Variants in SLC28A3 observed in about 807,000 individuals in gnomAD.
The protein encoded by SLC28A3 is concentrative Na(+)-nucleoside cotransporter 3.
A neutral mutation model predicts 84.2 loss-of-function variants in SLC28A3; 68 were observed. The observed-to-expected ratio is 0.81, with a 90% CI of 0.66 to 0.99. SLC28A3 has a LOEUF of 0.99. SLC28A3 is among the 50% of genes least tolerant of loss of function. SLC28A3 has a pLI of 0.00. For synonymous variants in SLC28A3, 267 were observed against 303.6 expected (o/e 0.88, Z 1.25); for missense variants, 712 against 841.5 (o/e 0.85, Z 1.90).
At chr9:84,351,348 C>T in the SLC28A3 span, among the ~76,000 whole-genome samples, 6 of 152,102 alleles carry the variant, frequency 3.9e-5, no homozygotes, top group African/African-American at 1.4e-4. Flanking sequence ...TTATTAGTAT[C>T]TGCCTGCAAT....
At chr9:84,279,211 GA>G in intron 17 of SLC28A3, 53 bp downstream of exon 17, 1 of 1,379,756 alleles carries the variant, frequency 7.2e-7, no homozygotes, top group Non-Finnish European at 9.7e-7. Flanking sequence ...ATTTAGGTGT[GA>G]TTTGATTGAT....
chr9:84,340,933 T>C (rs1827142802), upstream of SLC28A3, among the ~76,000 whole-genome samples: 1 of 152,054 alleles, frequency 6.6e-6, no homozygotes, highest in South Asian at 2.1e-4. Context: ...GAGAAAACTC[T>C]TGTGGTGCAC....
chr9:84,305,774 C>T (rs1438920884), intron 3 of SLC28A3, among the ~76,000 whole-genome samples: 2 of 152,128 alleles, frequency 1.3e-5, no homozygotes, highest in Non-Finnish European at 2.9e-5. Context: ...CTTGGTTTGG[C>T]AAAGTTTGAG....
chr9:84,367,595 C>T, the SLC28A3 span, among the ~76,000 whole-genome samples: 9 of 152,136 alleles, frequency 5.9e-5, no homozygotes, highest in East Asian at 1.9e-4. Context: ...CCTGCACCGG[C>T]GCTGGTCTCT....
chr9:84,357,285 G>A, the SLC28A3 span, among the ~76,000 whole-genome samples: 17 of 152,166 alleles, frequency 1.1e-4, no homozygotes, highest in Non-Finnish European at 2.4e-4. Flanking sequence ...AAAAATATGG[G>A]GTTTAGGTGC....
chr9:84,309,853 A>G (rs1258748920), intron 2 of SLC28A3, 139 bp from the exon 3 acceptor site: 1 of 668,038 alleles, frequency 1.5e-6, no homozygotes, highest in Non-Finnish European at 2.6e-6. Context: ...GGCTCCTATT[A>G]TCTACTGCAC....
At chr9:84,342,731 G>A (rs1041988687), upstream of SLC28A3, among the ~76,000 whole-genome samples, 3 of 152,022 alleles carry the variant, frequency 2.0e-5, no homozygotes, top group Non-Finnish European at 4.4e-5. Flanking sequence ...GAATTTTAAA[G>A]GAAAAGAAGG....
At chr9:84,316,370 A>C (rs374908123) in intron 1 of SLC28A3, among the ~76,000 whole-genome samples, 1 of 152,350 alleles carries the variant, frequency 6.6e-6, no homozygotes, top group African/African-American at 2.4e-5. Context: ...CAACGAAATG[A>C]AAGTAGAAAG....
In SLC28A3 at chr9:84,276,293, C is replaced by T. The variant is rs1293476752; in HGVS notation, c.*1925G>A. 3 of 151,268 alleles carry T rather than the reference C, an allele frequency of 2.0e-5. No homozygotes were observed. Among genetic ancestry groups the T allele is most frequent in the African/African-American group, 7.3e-5 (3 of 40,968 alleles). The allele number at this position is 151,268 out of a possible 1,614,324, so 9.4% of individuals were successfully genotyped here. ...GAAAAATATCTTACTGAAATAATAT[C>T]TCCAATGTATTGAGTTAAATATATT... is the stretch of plus-strand genomic sequence containing the variant. On this transcript the variant is annotated 3_prime_UTR_variant, in exon 18 of 18. Transcript: ENST00000376238.
chr9:84,296,119 T>G (rs1324320961), intron 8 of SLC28A3, among the ~76,000 whole-genome samples: 1 of 152,212 alleles, frequency 6.6e-6, no homozygotes, highest in Non-Finnish European at 1.5e-5. Context: ...TTATTCCTTC[T>G]TTATGACTTT....
chr9:84,342,521 T>TCCTGTCTCAGCCTCCCGAG (rs1316333083), upstream of SLC28A3, among the ~76,000 whole-genome samples: 1 of 151,888 alleles, frequency 6.6e-6, no homozygotes, highest in Non-Finnish European at 1.5e-5. Context: ...GAAGCTATCC[T>TCCTGTCTCAGCCTCCCGAG]CCTGTCTCAG....
Position 84,286,272 on chromosome 9 carries a change from G to A in SLC28A3, c.1281-161C>T, listed in dbSNP as rs375401631. Among the ~76,000 whole-genome samples the A allele has an allele frequency of 3.2e-4, 48 of 152,182 alleles. 1 individual carries two copies. The South Asian group carries it at 9.1e-3, about 29-fold the overall frequency. ...TGAATCCCATGACATCATGAAGTGGGCATATGAGTATTTAACCATGTTTGT... is the reference window on the plus strand; with the variant it reads ...TGAATCCCATGACATCATGAAGTGGACATATGAGTATTTAACCATGTTTGT... On this transcript the variant is annotated intron_variant, in intron 12 of 17. Transcript: ENST00000376238.
At chr9:84,279,233 G>A (rs763927817) in intron 17 of SLC28A3, 32 bp downstream of exon 17, 9 of 1,560,030 alleles carry the variant, frequency 5.8e-6, no homozygotes, top group Non-Finnish European at 7.0e-6. Flanking sequence ...TATTAATGGA[G>A]TATAAAGAAA....
the SLC28A3 span, among the ~76,000 whole-genome samples, chr9:84,347,859 T>A: frequency 6.6e-6 from 1 of 152,228 alleles, no homozygotes; most frequent in Non-Finnish European, 1.5e-5. Flanking sequence ...GAATGTTCAT[T>A]GAACAAAGGT....
At chr9:84,289,361 G>A (rs1464576368) in intron 11 of SLC28A3, among the ~76,000 whole-genome samples, 1 of 152,238 alleles carries the variant, frequency 6.6e-6, no homozygotes, top group Non-Finnish European at 1.5e-5. Flanking sequence ...GTGTTACTCA[G>A]TTTCAATATT....
Position 84,302,334 on chromosome 9 carries a change from AGGAAGG to A in SLC28A3, c.384_389del (p.Pro130_Leu131del), listed in dbSNP as rs747127094. 6 of 1,614,030 alleles carry A rather than the reference AGGAAGG, an allele frequency of 3.7e-6. No homozygotes were observed. Among genetic ancestry groups the A allele is most frequent in the Non-Finnish European group, 4.2e-6 (5 of 1,180,014 alleles). On this transcript the variant is annotated inframe_deletion, in exon 5 of 18. Transcript: ENST00000376238. Reference sequence around the variant, plus strand: ...TGGCAGCCACGGTGATCACAAAAAGAGGAAGGGCTCTGTGAAAGTTCAGCACACAGG... The same window carrying A: ...TGGCAGCCACGGTGATCACAAAAAGAGCTCTGTGAAAGTTCAGCACACAGG...
In SLC28A3 at chr9:84,285,490, C is replaced by A; in HGVS notation, c.1502G>T (p.Trp501Leu). Residue 501 changes from tryptophan (W) to leucine (L), a missense_variant, in exon 14 of 18, where the codon TGG becomes TTG. By Grantham distance (61) the Trp-to-Leu change is moderately conservative (BLOSUM62 -2). Transcript: ENST00000376238. ...MPFSFMMGVE[W>L]QDSFMVARLI... The stretch of plus-strand genomic sequence containing the variant: ...TCTGGCAACCATAAAGCTGTCCTGC[C>A]ATTCCACTCCCATCATGAAGGAAAA... 6.2e-7 allele frequency: 1 copy of A among 1,614,182 alleles called. No individual in the cohort carries two copies. The highest frequency in any genetic ancestry group is 1.3e-5 in the African/African-American group (1 of 75,036).
chr9:84,351,659 C>CA, the SLC28A3 span, among the ~76,000 whole-genome samples: 517 of 126,006 alleles, frequency 4.1e-3, 1 homozygote, highest in African/African-American at 0.014. Flanking sequence ...GACTCCATCT[C>CA]AAAAAAAAAA....
intron 5 of SLC28A3, among the ~76,000 whole-genome samples, chr9:84,301,995 G>T (rs12342617): frequency 0.11 from 16,810 of 152,114 alleles, 1,087 homozygotes; most frequent in African/African-American, 0.18. Context: ...GAGGACATTT[G>T]GATACATTTC....
Sources: allele counts gnomAD v4.1 joint callset (sites outside exome capture counted in the v4.1 genomes callset), GRCh38; gene constraint gnomAD v4.1.1; transcripts MANE v1.5; gene names NCBI Gene and HGNC (gene_info 2026-07-23, HGNC 2026-07-21).